Variants in ADGRB3 observed in about 807,000 individuals in gnomAD.
ADGRB3 encodes brain-specific angiogenesis inhibitor 3.
ADGRB3 carries 37 observed loss-of-function variants against 193.4 expected under a neutral mutation model. The ratio of observed to expected loss-of-function variants is 0.19; its 90% CI spans 0.15 to 0.25. The LOEUF (loss-of-function observed/expected upper bound fraction) is 0.25, where lower values mean the gene tolerates loss of function less well. Among genes scored for constraint, ADGRB3 ranks in the 10% least tolerant of loss-of-function variants. ADGRB3 has a pLI of 1.00. For missense variants in ADGRB3, 1,637 were observed against 1,852.9 expected (o/e 0.88, Z 2.14); for synonymous variants, 690 against 644.2 (o/e 1.07, Z -1.08).
intron 20 of ADGRB3, among the ~76,000 whole-genome samples, chr6:69,270,668 A>G (rs752276411): frequency 6.6e-6 from 1 of 152,214 alleles, no homozygotes; most frequent in Non-Finnish European, 1.5e-5. Context: ...CCCCTTAAGT[A>G]ACGATTTGTA....
intron 3 of ADGRB3, among the ~76,000 whole-genome samples, chr6:68,693,436 A>G (rs1419814082): frequency 6.6e-6 from 1 of 151,942 alleles, no homozygotes; most frequent in Non-Finnish European, 1.5e-5. Context: ...TATACTAAAA[A>G]AGAAAGGTGG....
At chr6:68,677,496 ATTTTTTTCTTTTTTTTC>A (rs1769122470) in intron 3 of ADGRB3, among the ~76,000 whole-genome samples, 1 of 140,502 alleles carries the variant, frequency 7.1e-6, no homozygotes, top group Non-Finnish European at 1.6e-5. Context: ...TATCATAGGA[ATTTTTTTCTTTTTTTTC>A]TTTTTTTCTT....
chr6:69,085,046 T>G (rs1021670783), intron 17 of ADGRB3, among the ~76,000 whole-genome samples: 1 of 152,080 alleles, frequency 6.6e-6, no homozygotes, highest in African/African-American at 2.4e-5. Context: ...ATCATATACT[T>G]TGGGAAGAAT....
intron 16 of ADGRB3, 126 bp downstream of exon 16, chr6:69,063,162 G>A (rs1771800032): frequency 3.2e-6 from 2 of 629,924 alleles, no homozygotes; most frequent in Non-Finnish European, 2.7e-6. Flanking sequence ...AACTTGTTAT[G>A]AGTATGTGTA....
chr6:68,993,714 A>T (rs1769304024), intron 10 of ADGRB3, 54 bp from the exon 11 acceptor site: 1 of 1,508,288 alleles, frequency 6.6e-7, no homozygotes, highest in Admixed American at 2.0e-5. Flanking sequence ...GAAGTTATTC[A>T]GATAAATGGT....
chr6:68,683,449 T>A (rs1445144311), intron 3 of ADGRB3, among the ~76,000 whole-genome samples: 3 of 152,202 alleles, frequency 2.0e-5, no homozygotes. Context: ...ATTAAATTTT[T>A]AAAAGTTGGC....
intron 11 of ADGRB3, among the ~76,000 whole-genome samples, chr6:69,006,558 TGCAGTG>T (rs544188011): frequency 9.9e-5 from 15 of 151,456 alleles, no homozygotes; most frequent in Admixed American, 4.0e-4. Context: ...CAGGCTGGAG[TGCAGTG>T]GCATGATCTT....
intron 29 of ADGRB3, among the ~76,000 whole-genome samples, chr6:69,371,194 C>T (rs1374068669): frequency 6.6e-6 from 1 of 152,036 alleles, no homozygotes; most frequent in Non-Finnish European, 1.5e-5. Context: ...ACCTTTCTTT[C>T]GGCATGTCCC....
intron 20 of ADGRB3, among the ~76,000 whole-genome samples, chr6:69,244,798 A>T (rs887978156): frequency 6.6e-6 from 1 of 152,088 alleles, no homozygotes; most frequent in Non-Finnish European, 1.5e-5. Flanking sequence ...TACATGAATT[A>T]GTACGTATGG....
intron 11 of ADGRB3, among the ~76,000 whole-genome samples, chr6:68,997,488 C>CAA (rs748557247): frequency 0.16 from 8,166 of 52,172 alleles, 466 homozygotes; most frequent in Non-Finnish European, 0.2. Flanking sequence ...ACTAAAAATA[C>CAA]AAAAAAAAAA....
At chr6:68,855,281 A>G (rs1764947335) in intron 3 of ADGRB3, among the ~76,000 whole-genome samples, 1 of 152,200 alleles carries the variant, frequency 6.6e-6, no homozygotes. Context: ...ATACTTGCAA[A>G]TAGCAAATAT....
chr6:69,135,486 C>T (rs550283182), intron 17 of ADGRB3, among the ~76,000 whole-genome samples: 5 of 151,826 alleles, frequency 3.3e-5, no homozygotes, highest in African/African-American at 7.3e-5. Context: ...AATGTACTGT[C>T]GTAGTAAGCC....
intron 30 of ADGRB3, among the ~76,000 whole-genome samples, chr6:69,377,054 A>T (rs72915045): frequency 0.036 from 5,416 of 152,166 alleles, 136 homozygotes; most frequent in Non-Finnish European, 0.053. Flanking sequence ...CATGTGAGGG[A>T]TGCATTGGGA....
At chr6:68,912,697 C>T (rs1766752393) in intron 3 of ADGRB3, among the ~76,000 whole-genome samples, 2 of 152,090 alleles carry the variant, frequency 1.3e-5, no homozygotes, top group Non-Finnish European at 2.9e-5. Flanking sequence ...AGGACATGAA[C>T]TCATCATTTT....
intron 29 of ADGRB3, among the ~76,000 whole-genome samples, chr6:69,368,249 A>G (rs1406505258): frequency 1.3e-5 from 2 of 152,172 alleles, no homozygotes; most frequent in African/African-American, 2.4e-5. Flanking sequence ...ATTAGAAGCC[A>G]GAGGTTTTAG....
At chr6:68,892,318 C>T (rs1401103115) in intron 3 of ADGRB3, among the ~76,000 whole-genome samples, 3 of 152,208 alleles carry the variant, frequency 2.0e-5, no homozygotes, top group African/African-American at 7.2e-5. Context: ...CTCCATCCAT[C>T]TGAAGCCCTA....
At chr6:69,218,385 A>G (rs1484400931) in intron 17 of ADGRB3, among the ~76,000 whole-genome samples, 1 of 152,172 alleles carries the variant, frequency 6.6e-6, no homozygotes. Flanking sequence ...GGATATATAA[A>G]TAGGAATCAC....
intron 3 of ADGRB3, among the ~76,000 whole-genome samples, chr6:68,720,173 A>G (rs146833494): frequency 1.3e-5 from 2 of 151,892 alleles, no homozygotes; most frequent in African/African-American, 4.8e-5. Context: ...GTAGAGACCT[A>G]GCTTGCATAT....
At chr6:69,118,080 T>A (rs1250141355) in intron 17 of ADGRB3, among the ~76,000 whole-genome samples, 1 of 152,212 alleles carries the variant, frequency 6.6e-6, no homozygotes, top group Non-Finnish European at 1.5e-5. Flanking sequence ...GAAATAGTCA[T>A]GAGCTTCTGG....
Sources: gnomAD v4.1 joint callset for allele counts (sites outside exome capture counted in the v4.1 genomes callset) on GRCh38, gnomAD v4.1.1 for gene constraint, MANE v1.5 for transcripts, NCBI Gene and HGNC (gene_info 2026-07-23, HGNC 2026-07-21) for gene names.